The following DGKB variants were observed in gnomAD, a reference collection of about 807,000 sequenced individuals.
DGKB encodes the protein diacylglycerol kinase beta.
In DGKB, 67 loss-of-function variants were observed where a neutral mutation model predicts 114.3. The ratio of observed to expected loss-of-function variants is 0.59; its 90% confidence interval spans 0.48 to 0.72. DGKB has a LOEUF of 0.72. Among genes scored for constraint, DGKB ranks in the 30% least tolerant of loss-of-function variants. The pLI is 0.00. For synonymous variants in DGKB, 398 were observed against 323.1 expected, an observed-to-expected ratio of 1.23 and a Z score of -2.49; for missense variants, 907 against 975.2, an observed-to-expected ratio of 0.93 and a Z score of 0.93.
At chr7:14,652,760 G>A (rs1471524270) in intron 13 of DGKB, among the ~76,000 whole-genome samples, 1 of 151,926 alleles carries the variant, frequency 6.6e-6, no homozygotes. Context: ...ATCTGACAAA[G>A]GGCTAATAAT....
intron 1 of DGKB, among the ~76,000 whole-genome samples, chr7:14,845,278 T>C (rs1307622495): frequency 6.6e-6 from 1 of 152,156 alleles, no homozygotes; most frequent in Admixed American, 6.5e-5. Flanking sequence ...TTATTGAATT[T>C]AAAATTGCAC....
chr7:14,729,123 C>CTTTTTTTTTTTTT (rs1162368398), intron 5 of DGKB, among the ~76,000 whole-genome samples: 4 of 113,418 alleles, frequency 3.5e-5, no homozygotes, highest in African/African-American at 1.5e-4. Context: ...CATTTTCTTT[C>CTTTTTTTTTTTTT]TTTTTTTTTT....
intron 21 of DGKB, among the ~76,000 whole-genome samples, chr7:14,462,696 C>T (rs1289206424): frequency 2.0e-5 from 3 of 152,106 alleles, no homozygotes; most frequent in Non-Finnish European, 4.4e-5. Flanking sequence ...AATGCTATCC[C>T]CATCAAGCAA....
In DGKB at chr7:14,900,319, A is replaced by G. The variant is rs138570086; in HGVS notation, c.-188+2273T>C. 1.8e-4 allele frequency among the ~76,000 whole-genome samples: 28 copies of G among 152,146 alleles called. No individual in the cohort carries two copies. In the East Asian group the frequency reaches 4.8e-3, roughly 26 times the overall value. ...GGCAACAGGAATAGGCTTCTTCACT[A>G]TTTTTCCTGGAGTTTGCTCTGGGCA... On this transcript the variant is annotated intron_variant, in intron 1 of 25. Transcript: ENST00000402815.
chr7:14,747,775 G>GCGCGCGCGCGCACACACACA, intron 4 of DGKB, among the ~76,000 whole-genome samples: 3,607 of 149,220 alleles, frequency 0.024, 65 homozygotes, highest in South Asian at 0.046. Flanking sequence ...ACATCCACGC[G>GCGCGCGCGCGCACACACACA]CACGCACACA....
At chr7:14,970,784 G>C (rs529673909) in intron 1 of DGKB, among the ~76,000 whole-genome samples, 1 of 151,996 alleles carries the variant, frequency 6.6e-6, no homozygotes. Context: ...AATACACTGC[G>C]TAGTATTCTT....
At position 14,854,408 on chromosome 7, in the gene DGKB, C is replaced by A. The variant is rs368604401; in HGVS notation, c.-187-12958G>T. 2.4e-4 allele frequency among the ~76,000 whole-genome samples: 36 copies of A among 152,228 alleles called. No individual in the cohort carries two copies. The South Asian group carries it at 6.8e-3, about 29-fold the overall frequency. On this transcript the variant is annotated intron_variant, in intron 1 of 25. Transcript: ENST00000402815. ...CCCCAACCTTTTTGGCACCAGGGAC[C>A]GGTTTCGTGAAAGACAATTTTTCCA...
intron 21 of DGKB, among the ~76,000 whole-genome samples, chr7:14,368,383 G>C (rs1817053249): frequency 6.6e-6 from 1 of 152,020 alleles, no homozygotes; most frequent in African/African-American, 2.4e-5. Flanking sequence ...AACTCATCCA[G>C]ATTTTTTTAG....
chr7:14,362,795 A>G (rs978523059), intron 21 of DGKB, among the ~76,000 whole-genome samples: 2 of 152,126 alleles, frequency 1.3e-5, no homozygotes, highest in African/African-American at 2.4e-5. Flanking sequence ...GTACTGTTTA[A>G]TACAGTGGTA....
rs144742545 is a variant in DGKB, at chr7:14,255,327, A to G, written c.2123-77176T>C. Among the ~76,000 whole-genome samples, 77 of 152,318 alleles carry G rather than the reference A, an allele frequency of 5.1e-4. 2 individuals are homozygous for G. In the East Asian group the frequency reaches 0.012, roughly 24 times the overall value. ...ATATTTTAATATTAATCACCCTCCT[A>G]TTGCTACTACACATAATGCAATCAG... is the stretch of plus-strand genomic sequence containing the variant. On this transcript the variant is annotated intron_variant, in intron 23 of 25. Coordinates refer to ENST00000402815, the MANE Select transcript of DGKB (RefSeq NM_001350709.2).
At position 14,481,042 on chromosome 7, in the gene DGKB, A is replaced by G. The variant is rs1459123353; in HGVS notation, c.1771-2817T>C. Among the ~76,000 whole-genome samples the G allele has an allele frequency of 3.2e-4, 48 of 151,976 alleles. 2 individuals are homozygous for G. Among genetic ancestry groups the G allele is most frequent in the Admixed American group, 3.0e-3 (45 of 15,218 alleles). ...AATTAAAAAAATCTAAGAAATGAAA[A>G]TAAGTCAATCTTATTAAAGCAAAAC... is the stretch of plus-strand genomic sequence containing the variant. On this transcript the variant is annotated intron_variant, in intron 20 of 25. Coordinates refer to ENST00000402815, the MANE Select transcript of DGKB (RefSeq NM_001350709.2).
At chr7:14,165,527 T>A (rs1240443310) in intron 25 of DGKB, among the ~76,000 whole-genome samples, 1 of 152,210 alleles carries the variant, frequency 6.6e-6, no homozygotes, top group African/African-American at 2.4e-5. Flanking sequence ...CTTTAGTAGC[T>A]TCTAGTCAAG....
rs144723617 is a variant in DGKB, at chr7:14,898,371, C to T, written c.-188+4221G>A. The stretch of plus-strand genomic sequence containing the variant: ...AAGAGTGGTCTCCAGAGCTAGACTG[C>T]CTGGGTTCAAACCCCGGCTCTATTC... On this transcript the variant is annotated intron_variant, in intron 1 of 25. Transcript: ENST00000402815. Among the ~76,000 whole-genome samples, 810 of 152,102 alleles carry T rather than the reference C, an allele frequency of 5.3e-3. 4 individuals are homozygous for T. Among genetic ancestry groups the T allele is most frequent in the Middle Eastern group, 0.017 (5 of 294 alleles).
At chr7:14,416,018 CCA>C (rs1214926095) in intron 21 of DGKB, among the ~76,000 whole-genome samples, 1 of 152,040 alleles carries the variant, frequency 6.6e-6, no homozygotes, top group Non-Finnish European at 1.5e-5. Flanking sequence ...TCTCTGATGG[CCA>C]GTGATGATGA....
In DGKB at chr7:14,653,519, G is replaced by A. The variant is rs371721916; in HGVS notation, c.1134+19410C>T. Among the ~76,000 whole-genome samples the A allele has an allele frequency of 5.9e-5, 9 of 152,092 alleles. No individual in the cohort carries two copies. The South Asian group carries it at 1.0e-3, about 18-fold the overall frequency. ...GGGGACTGTTGTGGGGTGGGGGTAG[G>A]GGGGAGGGATAGCATCGGGAGATAT... On this transcript the variant is annotated intron_variant, in intron 13 of 25. Coordinates refer to ENST00000402815, the MANE Select transcript of DGKB (RefSeq NM_001350709.2).
intron 23 of DGKB, among the ~76,000 whole-genome samples, chr7:14,303,582 C>T (rs558516659): frequency 1.3e-5 from 2 of 151,840 alleles, no homozygotes; most frequent in African/African-American, 4.8e-5. Flanking sequence ...TTGCTCAGAC[C>T]AAACCTAGTC....
At position 14,753,949 on chromosome 7, in the gene DGKB, C is replaced by T; in HGVS notation, c.148-1G>A. ...TTACTTGGTTAAGAATGTCTTGTTT[C>T]TGTGCATGCAAGGAAAGAAAGAATA... On this transcript the variant is annotated splice_acceptor_variant, in intron 3 of 25. Coordinates refer to ENST00000402815, the MANE Select transcript of DGKB (RefSeq NM_001350709.2). LOFTEE classifies it high-confidence loss of function. 6.6e-7 allele frequency: 1 copy of T among 1,517,558 alleles called. No homozygotes were observed. Among genetic ancestry groups the T allele is most frequent in the East Asian group, 2.3e-5 (1 of 42,766 alleles). The allele number at this position is 1,517,558 out of a possible 1,614,324, so 94.0% of individuals were successfully genotyped here.
intron 21 of DGKB, among the ~76,000 whole-genome samples, chr7:14,386,796 T>A (rs774660663): frequency 1.3e-5 from 2 of 152,122 alleles, no homozygotes; most frequent in Non-Finnish European, 2.9e-5. Context: ...TGAGGGTGGG[T>A]GGCAGAAGGA....
At chr7:14,817,268 C>T (rs1413300775) in intron 2 of DGKB, among the ~76,000 whole-genome samples, 1 of 152,120 alleles carries the variant, frequency 6.6e-6, no homozygotes, top group Non-Finnish European at 1.5e-5. Flanking sequence ...GAGAGTGCAT[C>T]CCATTGTCTG....
Sources: allele counts gnomAD v4.1 joint callset (sites outside exome capture counted in the v4.1 genomes callset), GRCh38; gene constraint gnomAD v4.1.1; transcripts MANE v1.5; gene names NCBI Gene and HGNC (gene_info 2026-07-23, HGNC 2026-07-21).